The following ZBBX variants were observed in gnomAD, a reference collection of about 807,000 sequenced individuals.
ZBBX encodes zinc finger B-box domain containing, also known as zinc finger B-box domain-containing protein 1.
ZBBX carries 101 observed loss-of-function variants against 108.5 expected under a neutral mutation model. That is an observed-to-expected ratio of 0.93 (90% CI 0.79 to 1.10). ZBBX has a LOEUF of 1.10. ZBBX is among the 50% of genes least tolerant of loss of function. The pLI, the probability that ZBBX is intolerant of heterozygous loss-of-function variation, is 0.00. For missense variants in ZBBX, 1,009 were observed against 941.4 expected (o/e 1.07, Z -0.94); for synonymous variants, 356 against 323.4 (o/e 1.10, Z -1.08).
chr3:167,389,549 G>C (rs1748026878), intron 1 of ZBBX, among the ~76,000 whole-genome samples: 1 of 152,090 alleles, frequency 6.6e-6, no homozygotes, highest in African/African-American at 2.4e-5. Context: ...TTGAGGAGCT[G>C]CCACACTGTC....
the ZBBX span, among the ~76,000 whole-genome samples, chr3:167,220,336 A>G: frequency 6.6e-6 from 1 of 152,018 alleles, no homozygotes; most frequent in African/African-American, 2.4e-5. Context: ...AAAATCCTCA[A>G]CAAAATACTA....
chr3:167,194,229 A>AATATATATATATATATATATATATAT, the ZBBX span, among the ~76,000 whole-genome samples: 279 of 139,694 alleles, frequency 2.0e-3, no homozygotes, highest in Middle Eastern at 3.7e-3. Context: ...ATATGTACTA[A>AATATATATATATATATATATATATAT]ATATATATAT....
At chr3:167,204,238 C>CTTTTTTTTTTTTTTTTTTTTTTTTATTT in the ZBBX span, among the ~76,000 whole-genome samples, 1 of 69,300 alleles carries the variant, frequency 1.4e-5, no homozygotes, top group African/African-American at 5.2e-5. Flanking sequence ...AATTTCTTTT[C>CTTTTTTTTTTTTTTTTTTTTTTTTATTT]TTTTCTTTTT....
intron 8 of ZBBX, among the ~76,000 whole-genome samples, chr3:167,354,989 T>C (rs958767261): frequency 3.9e-5 from 6 of 151,966 alleles, no homozygotes; most frequent in Non-Finnish European, 5.9e-5. Flanking sequence ...TTTGTACAAC[T>C]GGCAGAAACA....
At chr3:167,255,959 T>A (rs1176527093) in intron 20 of ZBBX, among the ~76,000 whole-genome samples, 1 of 152,086 alleles carries the variant, frequency 6.6e-6, no homozygotes, top group East Asian at 1.9e-4. Context: ...CACTCCCCAC[T>A]ATACTTCCTA....
chr3:167,314,421 G>A (rs1360234601), intron 15 of ZBBX, among the ~76,000 whole-genome samples: 1 of 151,948 alleles, frequency 6.6e-6, no homozygotes, highest in Non-Finnish European at 1.5e-5. Context: ...TCTAAAAAGG[G>A]AGTGTTCTCT....
intron 1 of ZBBX, among the ~76,000 whole-genome samples, chr3:167,399,008 G>C (rs901461920): frequency 6.6e-6 from 1 of 150,656 alleles, no homozygotes; most frequent in Admixed American, 6.6e-5. Flanking sequence ...AGCGTGCTCA[G>C]CCCCCTCACC....
chr3:167,198,513 T>A, the ZBBX span, among the ~76,000 whole-genome samples: 1 of 152,150 alleles, frequency 6.6e-6, no homozygotes, highest in Non-Finnish European at 1.5e-5. Context: ...AAAAATATAT[T>A]AATATAGATC....
intron 11 of ZBBX, among the ~76,000 whole-genome samples, chr3:167,326,098 C>T (rs1737335677): frequency 6.6e-6 from 1 of 151,966 alleles, no homozygotes; most frequent in Non-Finnish European, 1.5e-5. Flanking sequence ...AGCTAAGATG[C>T]CCATCATAAT....
Position 167,271,259 on chromosome 3 carries a change from C to T in ZBBX, c.2254+10979G>A, listed in dbSNP as rs138016727. Among the ~76,000 whole-genome samples the T allele has an allele frequency of 3.1e-3, 466 of 152,246 alleles. 4 individuals are homozygous for T. Among genetic ancestry groups the T allele is most frequent in the Non-Finnish European group, 3.4e-3 (234 of 68,024 alleles). On this transcript the variant is annotated intron_variant, in intron 20 of 21. Coordinates refer to ENST00000675490, the MANE Select transcript of ZBBX (RefSeq NM_001199201.2). The stretch of plus-strand genomic sequence containing the variant: ...CCTTGTTCACAAGGAGTTAATCACC[C>T]AAGTATTAGATAATCTTCAGTTTCC...
At chr3:167,357,919 T>G (rs974313869) in intron 8 of ZBBX, among the ~76,000 whole-genome samples, 1 of 151,916 alleles carries the variant, frequency 6.6e-6, no homozygotes, top group African/African-American at 2.4e-5. Context: ...AGTAAACTAT[T>G]GCAAGAACAA....
intron 20 of ZBBX, among the ~76,000 whole-genome samples, chr3:167,279,964 C>T (rs1351357363): frequency 6.6e-6 from 1 of 151,798 alleles, no homozygotes; most frequent in Non-Finnish European, 1.5e-5. Context: ...GCTATCTGAT[C>T]TTTGACAAAC....
intron 11 of ZBBX, 129 bp downstream of exon 11, chr3:167,327,813 C>A: frequency 1.1e-6 from 1 of 921,240 alleles, no homozygotes; most frequent in South Asian, 2.0e-5. Flanking sequence ...ACTCAGAAGG[C>A]TGAGGCAGGA....
intron 1 of ZBBX, among the ~76,000 whole-genome samples, chr3:167,391,626 T>G (rs1748087326): frequency 6.6e-6 from 1 of 152,016 alleles, no homozygotes; most frequent in Non-Finnish European, 1.5e-5. Context: ...GGGCTTTTTT[T>G]GGTTGGTAGG....
the ZBBX span, among the ~76,000 whole-genome samples, chr3:167,229,282 T>A: frequency 1.3e-5 from 2 of 151,818 alleles, no homozygotes; most frequent in Non-Finnish European, 2.9e-5. Context: ...TAACTCATTC[T>A]TAAGACCCGA....
At chr3:167,191,680 T>C in the ZBBX span, among the ~76,000 whole-genome samples, 2 of 151,822 alleles carry the variant, frequency 1.3e-5, no homozygotes, top group African/African-American at 4.8e-5. Context: ...TGAGTCCAAT[T>C]AAACCTCTTT....
intron 20 of ZBBX, among the ~76,000 whole-genome samples, chr3:167,264,289 T>G (rs531592659): frequency 6.6e-6 from 1 of 152,328 alleles, no homozygotes; most frequent in South Asian, 2.1e-4. Context: ...CTGTCTTTCC[T>G]TCCTTCCTCT....
At chr3:167,403,325 C>T (rs1217372292) in intron 1 of ZBBX, among the ~76,000 whole-genome samples, 1 of 151,968 alleles carries the variant, frequency 6.6e-6, no homozygotes. Flanking sequence ...GCAAAAATCG[C>T]CTTCAAAACT....
chr3:167,210,548 G>T, the ZBBX span, among the ~76,000 whole-genome samples: 1 of 152,078 alleles, frequency 6.6e-6, no homozygotes, highest in African/African-American at 2.4e-5. Context: ...CAATGTTCAA[G>T]TATGAGAAAG....
Sources: gnomAD v4.1 joint callset for allele counts (sites outside exome capture counted in the v4.1 genomes callset) on GRCh38, gnomAD v4.1.1 for gene constraint, MANE v1.5 for transcripts, NCBI Gene and HGNC (gene_info 2026-07-23, HGNC 2026-07-21) for gene names.